The following TTC29 variants were observed in gnomAD, a reference collection of about 807,000 sequenced individuals.
The protein encoded by TTC29 is tetratricopeptide repeat protein 29.
In TTC29, 49 loss-of-function variants were observed where a neutral mutation model predicts 58.1. The ratio of observed to expected loss-of-function variants is 0.84; its 90% CI spans 0.67 to 1.07. The LOEUF is 1.07. TTC29 is among the 50% of genes least tolerant of loss of function. TTC29 has a pLI of 0.00. For synonymous variants in TTC29, 209 were observed against 196.8 expected (o/e 1.06, Z -0.52); for missense variants, 582 against 555.6 (o/e 1.05, Z -0.48).
chr4:146,888,373 T>C (rs1477981835), intron 6 of TTC29, among the ~76,000 whole-genome samples: 2 of 152,070 alleles, frequency 1.3e-5, no homozygotes, highest in East Asian at 1.9e-4. Context: ...TGGGGAAGCA[T>C]TGAATGGGTT....
At position 146,766,337 on chromosome 4, in the gene TTC29, ATTC is replaced by A. The variant is rs370920720; in HGVS notation, c.1330+37117_1330+37119del. 2.8e-4 allele frequency among the ~76,000 whole-genome samples: 43 copies of A among 152,114 alleles called. No homozygotes were observed. In the East Asian group the frequency reaches 5.1e-3, roughly 18 times the overall value. ...TGTGTTGGCAAGTACCACAGAACAAATTCTTCTTTTCATTTGTTATGATTTTCA... is the reference window on the plus strand; with the variant it reads ...TGTGTTGGCAAGTACCACAGAACAAATTCTTTTCATTTGTTATGATTTTCA... On this transcript the variant is annotated intron_variant, in intron 11 of 12. Transcript: ENST00000325106.
intron 11 of TTC29, among the ~76,000 whole-genome samples, chr4:146,729,242 T>G (rs1744148632): frequency 6.6e-6 from 1 of 152,174 alleles, no homozygotes; most frequent in African/African-American, 2.4e-5. Context: ...ATCTGATAGC[T>G]GAAAAAGTGC....
chr4:146,863,561 T>G (rs1730381349), intron 8 of TTC29, among the ~76,000 whole-genome samples: 1 of 152,214 alleles, frequency 6.6e-6, no homozygotes, highest in Non-Finnish European at 1.5e-5. Context: ...TGGAACAAAC[T>G]GTGACAAACT....
chr4:146,845,329 A>G (rs1189097217), intron 8 of TTC29, among the ~76,000 whole-genome samples: 2 of 152,180 alleles, frequency 1.3e-5, no homozygotes, highest in Admixed American at 6.5e-5. Context: ...GAAATAGGCC[A>G]GTAGACACAG....
intron 11 of TTC29, among the ~76,000 whole-genome samples, chr4:146,714,117 T>C (rs1347828533): frequency 1.3e-5 from 2 of 152,092 alleles, no homozygotes; most frequent in African/African-American, 4.8e-5. Context: ...TTGAAGACAC[T>C]GGACATCAGA....
At chr4:146,830,948 A>G (rs1728117126) in intron 9 of TTC29, among the ~76,000 whole-genome samples, 2 of 152,216 alleles carry the variant, frequency 1.3e-5, no homozygotes, top group African/African-American at 4.8e-5. Context: ...TCTATCTTAT[A>G]GAATTTTAGG....
chr4:146,821,166 A>T (rs955073612), intron 9 of TTC29, among the ~76,000 whole-genome samples: 4 of 152,210 alleles, frequency 2.6e-5, no homozygotes, highest in Non-Finnish European at 5.9e-5. Flanking sequence ...TGGCAAATCC[A>T]TGAGATGGAA....
At chr4:146,781,760 A>G (rs192403089) in intron 11 of TTC29, among the ~76,000 whole-genome samples, 108 of 152,060 alleles carry the variant, frequency 7.1e-4, no homozygotes, top group African/African-American at 2.5e-3. Context: ...TTATCACAGT[A>G]GTGCTTTGAA....
chr4:146,892,745 TC>T (rs1732469370), intron 6 of TTC29, among the ~76,000 whole-genome samples: 1 of 152,162 alleles, frequency 6.6e-6, no homozygotes, highest in Non-Finnish European at 1.5e-5. Flanking sequence ...AGTCAAATTG[TC>T]CCTGTTTGCA....
At chr4:146,884,775 A>G (rs1016324206) in intron 6 of TTC29, among the ~76,000 whole-genome samples, 1 of 152,086 alleles carries the variant, frequency 6.6e-6, no homozygotes, top group Non-Finnish European at 1.5e-5. Flanking sequence ...AGCTTTGGTC[A>G]TGACTCAGCT....
intron 4 of TTC29, among the ~76,000 whole-genome samples, chr4:146,921,978 A>G (rs1390207141): frequency 6.9e-6 from 1 of 145,830 alleles, no homozygotes; most frequent in Non-Finnish European, 1.5e-5. Flanking sequence ...ACTAAGCATG[A>G]GTAAAGATTT....
intron 8 of TTC29, among the ~76,000 whole-genome samples, chr4:146,843,256 T>C (rs1378179669): frequency 6.6e-6 from 1 of 152,198 alleles, no homozygotes; most frequent in East Asian, 1.9e-4. Flanking sequence ...CTAATTCTTT[T>C]CTACAAATAT....
intron 11 of TTC29, among the ~76,000 whole-genome samples, chr4:146,751,649 C>G (rs1311749425): frequency 6.6e-6 from 1 of 151,974 alleles, no homozygotes; most frequent in African/African-American, 2.4e-5. Flanking sequence ...CAAAAACAGA[C>G]AAATGAAAAT....
Position 146,804,288 on chromosome 4 carries a change from G to A in TTC29, c.1102-603C>T, listed in dbSNP as rs750772993. 5.1e-4 allele frequency among the ~76,000 whole-genome samples: 77 copies of A among 152,226 alleles called. 1 individual carries two copies. Among genetic ancestry groups the A allele is most frequent in the South Asian group, 1.5e-3 (7 of 4,820 alleles). ...ATTCCCTCTGGTGCCTATGGGTTTT[G>A]AGCACAAAACAGGGCGGCTGTTTGG... is the stretch of plus-strand genomic sequence containing the variant. On this transcript the variant is annotated intron_variant, in intron 10 of 12. Coordinates refer to ENST00000325106, the MANE Select transcript of TTC29 (RefSeq NM_031956.4).
At chr4:146,718,034 A>G (rs1030501121) in intron 11 of TTC29, among the ~76,000 whole-genome samples, 4 of 152,102 alleles carry the variant, frequency 2.6e-5, no homozygotes, top group African/African-American at 9.7e-5. Context: ...CTATTCTCCA[A>G]TTCCATCTAT....
intron 11 of TTC29, among the ~76,000 whole-genome samples, chr4:146,774,955 G>A (rs1747983143): frequency 6.6e-6 from 1 of 152,050 alleles, no homozygotes; most frequent in Non-Finnish European, 1.5e-5. Context: ...TATGTATTTA[G>A]GATAGTTAGG....
rs140526547 is a variant in TTC29, at chr4:146,749,586, G to A, written c.1331-42035C>T. The stretch of plus-strand genomic sequence containing the variant: ...ATTTTTGAATTATGGGACTTCCAGA[G>A]AAGAGGAGACAGAGAAAGGGAAAAC... On this transcript the variant is annotated intron_variant, in intron 11 of 12. Coordinates refer to ENST00000325106, the MANE Select transcript of TTC29 (RefSeq NM_031956.4). Among the ~76,000 whole-genome samples the A allele has an allele frequency of 1.8e-3, 267 of 152,226 alleles. 4 individuals carry two copies. The highest frequency in any genetic ancestry group is 5.9e-3 in the African/African-American group (246 of 41,532).
chr4:146,768,860 C>G (rs1747517594), intron 11 of TTC29, among the ~76,000 whole-genome samples: 1 of 151,828 alleles, frequency 6.6e-6, no homozygotes. Context: ...TTATTAATCC[C>G]CTTTATATTC....
intron 11 of TTC29, among the ~76,000 whole-genome samples, chr4:146,797,009 A>T (rs1446219965): frequency 6.6e-6 from 1 of 152,134 alleles, no homozygotes; most frequent in African/African-American, 2.4e-5. Context: ...AGAAAAAAAA[A>T]GGTCAAAATT....
Sources: allele counts gnomAD v4.1 joint callset (sites outside exome capture counted in the v4.1 genomes callset), GRCh38; gene constraint gnomAD v4.1.1; transcripts MANE v1.5; gene names NCBI Gene and HGNC (gene_info 2026-07-23, HGNC 2026-07-21).